The following SLC12A5 variants were observed in gnomAD, a reference collection of about 807,000 sequenced individuals.
SLC12A5 encodes solute carrier family 12 member 5, also known as K-Cl cotransporter 2.
A neutral mutation model predicts 124.0 loss-of-function variants in SLC12A5; 18 were observed. That is an observed-to-expected ratio of 0.15 (90% CI 0.10 to 0.22). SLC12A5 has a LOEUF of 0.22. Among genes scored for constraint, SLC12A5 ranks in the 10% least tolerant of loss-of-function variants. The probability of loss-of-function intolerance (pLI) is 1.00; values close to 1 mark genes in which losing one functional copy is unlikely to be tolerated. For synonymous variants in SLC12A5, 589 were observed against 568.0 expected, an observed-to-expected ratio of 1.04 and a Z score of -0.53; for missense variants, 867 against 1,478.7, an observed-to-expected ratio of 0.59 and a Z score of 6.78.
chr20:46,051,503 G>A (rs781271131), intron 17 of SLC12A5, among the ~76,000 whole-genome samples, 172 bp from the exon 18 acceptor site: 1 of 152,174 alleles, frequency 6.6e-6, no homozygotes, highest in African/African-American at 2.4e-5. Context: ...GGGGCACAGA[G>A]ATGATGGGGA....
At chr20:46,044,879 C>A in intron 11 of SLC12A5, 87 bp from the exon 12 acceptor site, 1 of 1,474,118 alleles carries the variant, frequency 6.8e-7, no homozygotes, top group South Asian at 1.2e-5. Context: ...GGCAGGCACA[C>A]AGTTGGTTCT....
Position 46,040,489 on chromosome 20 carries a change from T to G in SLC12A5, c.729T>G (p.Thr243=). The G allele has an allele frequency of 6.2e-7, 1 of 1,614,238 alleles. No individual in the cohort carries two copies. The highest frequency in any genetic ancestry group is 8.5e-7 in the Non-Finnish European group (1 of 1,180,048). The change falls in exon 7 of 26, where the codon ACT becomes ACG. Residue 243 remains threonine, a synonymous_variant. Coordinates refer to ENST00000243964, the MANE Select transcript of SLC12A5 (RefSeq NM_020708.5). Reference sequence around the variant, plus strand: ...CCTGTGTGCTCACCTGCATGGCCACTGTGGTGTTTGTGGGTGTCAAGTATG... The same window carrying G: ...CCTGTGTGCTCACCTGCATGGCCACGGTGGTGTTTGTGGGTGTCAAGTATG... ...YGTCVLTCMA[T]VVFVGVKYVN...
At chr20:46,047,711 G>A (rs2145496934) in intron 15 of SLC12A5, 138 bp downstream of exon 15, 4 of 1,150,666 alleles carry the variant, frequency 3.5e-6, no homozygotes, top group South Asian at 1.5e-5. Flanking sequence ...CTGGAGTAGA[G>A]GGAGAGGGTG....
At chr20:46,049,851 A>T (rs964983705) in intron 17 of SLC12A5, 61 bp downstream of exon 17, 1 of 1,475,238 alleles carries the variant, frequency 6.8e-7, no homozygotes. Context: ...GACAGTCTCT[A>T]TCCTTTTGTA....
At chr20:46,043,434 C>T (rs550698516) in intron 9 of SLC12A5, 111 bp downstream of exon 9, 16 of 1,374,734 alleles carry the variant, frequency 1.2e-5, no homozygotes, top group Admixed American at 1.2e-4. Context: ...TGAAAGCAAC[C>T]GTAACATTTC....
chr20:46,032,170 C>G (rs1205401147), intron 1 of SLC12A5, among the ~76,000 whole-genome samples: 1 of 152,208 alleles, frequency 6.6e-6, no homozygotes. Context: ...GGCGCGCGGC[C>G]GGCTAGGCTC....
At chr20:46,038,270 A>C (rs1405479926) in intron 6 of SLC12A5, 1 of 152,074 alleles carries the variant, frequency 6.6e-6, no homozygotes, top group African/African-American at 2.4e-5. Flanking sequence ...GCAGTCACTG[A>C]CAGCCTCGAC....
rs1021378032 is a variant in SLC12A5 at position 46,021,917 on chromosome 20, G to A, written c.48+31G>A. The A allele has an allele frequency of 8.1e-6, 12 of 1,488,220 alleles. No individual in the cohort carries two copies. The Admixed American group carries it at 2.6e-4, about 32-fold the overall frequency. The allele number at this position is 1,488,220 out of a possible 1,614,324, so 92.2% of individuals were successfully genotyped here. On this transcript the variant is annotated intron_variant, in intron 1 of 2. Transcript: ENST00000413737. ...GGCCGCAGGGGGCGGGGCCTGCCAGGGCCGGGCGGGACGAGGGGGAGGGGC... is the reference window on the plus strand; with the variant it reads ...GGCCGCAGGGGGCGGGGCCTGCCAGAGCCGGGCGGGACGAGGGGGAGGGGC...
chr20:46,023,894 A>C (rs1388010887), downstream of SLC12A5, among the ~76,000 whole-genome samples: 1 of 152,106 alleles, frequency 6.6e-6, no homozygotes, highest in Non-Finnish European at 1.5e-5. Flanking sequence ...TAATGCTCAT[A>C]AGATGAGAGG....
Position 46,045,234 on chromosome 20 carries a change from A to G in SLC12A5, c.1569+94A>G. On this transcript the variant is annotated intron_variant, in intron 12 of 25. Transcript: ENST00000243964. This position sits in a 1 kb window ranked among gnomAD's most constrained non-coding sequence, Gnocchi z 4.9. ...GTGACCCAGGGCCATAACCAGCCTT[A>G]GACTACCTCCTGGGCCACTTCTGCT... 1 of 1,405,500 alleles carries G rather than the reference A, an allele frequency of 7.1e-7. No individual in the cohort carries two copies. Among genetic ancestry groups the G allele is most frequent in the Non-Finnish European group, 9.5e-7 (1 of 1,057,470 alleles). The allele number at this position is 1,405,500 out of a possible 1,614,324, so 87.1% of individuals were successfully genotyped here.
rs146607688 is a variant in SLC12A5 at position 46,043,846 on chromosome 20, G to A, written c.1337-30G>A. ...GGGTGGGGAGGGGGAGGACTGAACC[G>A]TGGGGATTCTCCTTTATCCTCTGCT... On this transcript the variant is annotated intron_variant, in intron 10 of 25. Coordinates refer to ENST00000243964, the MANE Select transcript of SLC12A5 (RefSeq NM_020708.5). 1.0e-3 allele frequency: 1,673 copies of A among 1,613,770 alleles called. 12 individuals are homozygous for A. In the African/African-American group the frequency reaches 0.019, roughly 18 times the overall value.
chr20:46,056,097 G>A lies in SLC12A5; in HGVS notation c.2788-53G>A. Reference sequence around the variant, plus strand: ...CATCTCTGGTGATAGCTCTTTGCAGGGCATGGGTGGTGACTCCCAGCAGAG... The same window carrying A: ...CATCTCTGGTGATAGCTCTTTGCAGAGCATGGGTGGTGACTCCCAGCAGAG... On this transcript the variant is annotated intron_variant, in intron 21 of 25. Coordinates refer to ENST00000243964, the MANE Select transcript of SLC12A5 (RefSeq NM_020708.5). The surrounding 1 kb of genome is among the most constrained non-coding windows in gnomAD (Gnocchi z 4.3). 6.2e-7 allele frequency: 1 copy of A among 1,607,978 alleles called. No homozygotes were observed.
chr20:46,056,224 C>T lies in SLC12A5; in HGVS notation c.2862C>T (p.Asn954=), dbSNP rs754601939. ...CAGCCAACACGCGGCTCCGCCTGAA[C>T]GTCCCAGAAGAGACGGCTGGTGACA... ...KNPANTRLRL[N]VPEETAGDSE... The change falls in exon 22 of 26, where the codon AAC becomes AAT. Residue 954 remains asparagine (N), a synonymous_variant. Transcript: ENST00000243964. The surrounding 1 kb of genome is among the most constrained non-coding windows in gnomAD (Gnocchi z 4.3). The T allele has an allele frequency of 3.4e-5, 55 of 1,614,072 alleles. No homozygotes were observed. The highest frequency in any genetic ancestry group is 4.5e-5 in the East Asian group (2 of 44,896).
At position 46,036,001 on chromosome 20, in the gene SLC12A5, G is replaced by A. The variant is rs373876242; in HGVS notation, c.426+78G>A. On this transcript the variant is annotated intron_variant, in intron 4 of 25. Coordinates refer to ENST00000243964, the MANE Select transcript of SLC12A5 (RefSeq NM_020708.5). Reference sequence around the variant, plus strand: ...GCCTGGGGGTGGGAGGTGGGAGGATGGAAGCATGAGACCTGAGCTTTTTAT... The same window carrying A: ...GCCTGGGGGTGGGAGGTGGGAGGATAGAAGCATGAGACCTGAGCTTTTTAT... 72 of 1,512,880 alleles carry A rather than the reference G, an allele frequency of 4.8e-5. 1 individual carries two copies. In the African/African-American group the frequency reaches 5.2e-4, roughly 11 times the overall value. The allele number at this position is 1,512,880 out of a possible 1,614,324, so 93.7% of individuals were successfully genotyped here.
Position 46,045,799 on chromosome 20 carries a change from T to G in SLC12A5, c.1570-79T>G. On this transcript the variant is annotated intron_variant, in intron 12 of 25. Transcript: ENST00000243964. This position sits in a 1 kb window ranked among gnomAD's most constrained non-coding sequence, Gnocchi z 4.9. Reference sequence around the variant, plus strand: ...TTGGTGATAGGATTCCTGCCTCTACTCCACTGGTTCCCGAGGCTAGGGGAG... The same window carrying G: ...TTGGTGATAGGATTCCTGCCTCTACGCCACTGGTTCCCGAGGCTAGGGGAG... 1 of 1,144,522 alleles carries G rather than the reference T, an allele frequency of 8.7e-7. No homozygotes were observed. The highest frequency in any genetic ancestry group is 1.3e-6 in the Non-Finnish European group (1 of 771,392). The allele number at this position is 1,144,522 out of a possible 1,614,324, so 70.9% of individuals were successfully genotyped here.
At chr20:46,046,061 C>T (rs757744275) in intron 13 of SLC12A5, 65 bp downstream of exon 13, 114 of 1,487,282 alleles carry the variant, frequency 7.7e-5, no homozygotes, top group Admixed American at 4.6e-4. Flanking sequence ...ATCCTGCAGC[C>T]GTTACCTGTG....
chr20:46,040,691 C>A lies in SLC12A5; in HGVS notation c.854+77C>A. Reference sequence around the variant, plus strand: ...CTGTTTCAGAGTCTCTGCCAAACTCCCCCTCCCTGCCCCTCAGAATCTCAG... The same window carrying A: ...CTGTTTCAGAGTCTCTGCCAAACTCACCCTCCCTGCCCCTCAGAATCTCAG... On this transcript the variant is annotated intron_variant, in intron 7 of 25. Coordinates refer to ENST00000243964, the MANE Select transcript of SLC12A5 (RefSeq NM_020708.5). The A allele has an allele frequency of 3.8e-6, 6 of 1,562,860 alleles. 2 individuals are homozygous for A. The South Asian group carries it at 7.3e-5, about 19-fold the overall frequency.
At chr20:46,026,215 T>A (rs73112805), upstream of SLC12A5, among the ~76,000 whole-genome samples, 1 of 152,204 alleles carries the variant, frequency 6.6e-6, no homozygotes, top group East Asian at 1.9e-4. Context: ...TTCTCTGAGC[T>A]TTTTTCTCTC....
intron 16 of SLC12A5, among the ~76,000 whole-genome samples, chr20:46,048,775 G>A (rs572729026): frequency 1.3e-5 from 2 of 151,882 alleles, no homozygotes; most frequent in Non-Finnish European, 2.9e-5. Flanking sequence ...GGATACTGAG[G>A]CAGAATAGCT....
Sources: allele counts gnomAD v4.1 joint callset (sites outside exome capture counted in the v4.1 genomes callset), GRCh38; gene constraint gnomAD v4.1.1; non-coding constraint Gnocchi (gnomAD v3.1); transcripts MANE v1.5; gene names NCBI Gene and HGNC (gene_info 2026-07-23, HGNC 2026-07-21).